Variants in HAS3 observed in about 807,000 individuals in gnomAD.
HAS3 encodes hyaluronan synthase 3.
A neutral mutation model predicts 50.3 loss-of-function variants in HAS3; 27 were observed. That is an observed-to-expected ratio of 0.54 (90% confidence interval 0.40 to 0.74). The LOEUF (loss-of-function observed/expected upper bound fraction) is 0.74. Ranked by LOEUF, HAS3 falls within the 30% of genes least tolerant of loss-of-function variation. HAS3 has a pLI of 0.00. For missense variants in HAS3, 517 were observed against 742.8 expected, an observed-to-expected ratio of 0.70 and a Z score of 3.53; for synonymous variants, 339 against 310.9, an observed-to-expected ratio of 1.09 and a Z score of -0.95.
chr16:69,099,162 G>C, the HAS3 span, among the ~76,000 whole-genome samples: 1 of 151,494 alleles, frequency 6.6e-6, no homozygotes, highest in African/African-American at 2.4e-5. Flanking sequence ...TAGTAGAGAC[G>C]GGGTTTCACC....
chr16:69,100,742 C>T (rs1472960165), upstream of HAS3, among the ~76,000 whole-genome samples: 5 of 152,276 alleles, frequency 3.3e-5, no homozygotes, highest in South Asian at 2.1e-4. Context: ...TTGAGCATTT[C>T]GTGAGTTTGG....
At chr16:69,089,712 T>C in the HAS3 span, among the ~76,000 whole-genome samples, 1 of 152,216 alleles carries the variant, frequency 6.6e-6, no homozygotes, top group South Asian at 2.1e-4. Flanking sequence ...GAGAGGGGAA[T>C]GCAGACCCCA....
rs1387312820 is a variant in HAS3 at position 69,109,429 on chromosome 16, G to T, written c.34G>T (p.Val12Leu). The T allele has an allele frequency of 3.1e-6, 5 of 1,611,590 alleles. No individual in the cohort carries two copies. The East Asian group carries it at 1.1e-4, about 36-fold the overall frequency. ...PVQLTTALRV[V>L]GTSLFALAVL... ...GCAGCTGACGACAGCCCTGCGTGTGGTGGGCACCAGCCTGTTTGCCCTGGC... is the reference window on the plus strand; with the variant it reads ...GCAGCTGACGACAGCCCTGCGTGTGTTGGGCACCAGCCTGTTTGCCCTGGC... The change falls in exon 2 of 4, where the codon GTG becomes TTG. Residue 12 changes from valine (V) to leucine (L), a missense_variant. Coordinates refer to ENST00000569188, the MANE Select transcript of HAS3 (RefSeq NM_001199280.2). This position sits in a 1 kb window ranked among gnomAD's most constrained non-coding sequence, Gnocchi z 5.3.
Position 69,115,026 on chromosome 16 carries a change from T to C in HAS3, c.1422T>C (p.Ile474=), listed in dbSNP as rs759034690. The stretch of plus-strand genomic sequence containing the variant: ...GGGGCACCTCTGGCCGAAAAACCAT[T>C]GTGGTGAACTTCATTGGCCTCATTC... ...SGWGTSGRKT[I]VVNFIGLIPV... The change falls in exon 4 of 4, where the codon ATT becomes ATC. Residue 474 remains isoleucine (I), a synonymous_variant. Coordinates refer to ENST00000569188, the MANE Select transcript of HAS3 (RefSeq NM_001199280.2). The C allele has an allele frequency of 3.7e-6, 6 of 1,614,138 alleles. No individual in the cohort carries two copies. The highest frequency in any genetic ancestry group is 2.2e-5 in the South Asian group (2 of 91,076).
Position 69,115,718 on chromosome 16 carries a change from A to G in HAS3, c.*452A>G. The G allele has an allele frequency of 1.0e-6, 1 of 988,816 alleles. No individual in the cohort carries two copies. The highest frequency in any genetic ancestry group is 5.2e-4 in the Middle Eastern group (1 of 1,920). The allele number at this position is 988,816 out of a possible 1,614,324, so 61.3% of individuals were successfully genotyped here. ...CTGAGCGAGCTGGGCCGGTTAGTGT[A>G]TGTCACCCCCACCCCACCCCTAAGT... On this transcript the variant is annotated 3_prime_UTR_variant, in exon 4 of 4. Transcript: ENST00000569188.
chr16:69,095,677 T>C, the HAS3 span, among the ~76,000 whole-genome samples: 1 of 151,304 alleles, frequency 6.6e-6, no homozygotes, highest in Non-Finnish European at 1.5e-5. Flanking sequence ...TTGGCTTATC[T>C]GATGAGAAAA....
At chr16:69,111,969 A>G (rs1961017071) in intron 2 of HAS3, among the ~76,000 whole-genome samples, 1 of 152,212 alleles carries the variant, frequency 6.6e-6, no homozygotes, top group South Asian at 2.1e-4. Context: ...GGATCACTGC[A>G]TAAGGTTGCC....
chr16:69,093,516 A>G, the HAS3 span, among the ~76,000 whole-genome samples: 1 of 145,608 alleles, frequency 6.9e-6, no homozygotes, highest in Non-Finnish European at 1.5e-5. Context: ...CCCAGCCTAC[A>G]GTGTATCTTT....
chr16:69,116,634 T>A lies in HAS3; in HGVS notation c.*1368T>A. 1.0e-6 allele frequency: 1 copy of A among 985,328 alleles called. No homozygotes were observed. Among genetic ancestry groups the A allele is most frequent in the South Asian group, 4.7e-5 (1 of 21,286 alleles). 61.0% of individuals were successfully genotyped at this position (985,328 alleles called of 1,614,324 possible). A position where few individuals can be genotyped will look rare whatever the true frequency, so the allele number is the denominator to read the frequency against. On this transcript the variant is annotated 3_prime_UTR_variant, in exon 4 of 4. Transcript: ENST00000569188. ...AAACCAAACTAGGAGATGAAACTGG[T>A]TCCTACATCCTAAGGTTCTTGCTTT...
In HAS3 at chr16:69,107,371, C is replaced by T; in HGVS notation, c.-1+1584C>T. 1 of 984,852 alleles carries T rather than the reference C, an allele frequency of 1.0e-6. No homozygotes were observed. Among genetic ancestry groups the T allele is most frequent in the Non-Finnish European group, 1.2e-6 (1 of 829,400 alleles). The allele number at this position is 984,852 out of a possible 1,614,324, so 61.0% of individuals were successfully genotyped here. A position where few individuals can be genotyped will look rare whatever the true frequency, so the allele number is the denominator to read the frequency against. ...CCGGGGATGCGCCTTTGTCTACAGG[C>T]ACACTTTGCCAAGGTAGCTGGGGTA... On this transcript the variant is annotated intron_variant, in intron 1 of 3. Transcript: ENST00000569188. This position sits in a 1 kb window ranked among gnomAD's most constrained non-coding sequence, Gnocchi z 5.5.
the HAS3 span, among the ~76,000 whole-genome samples, chr16:69,099,475 A>C: frequency 1.3e-5 from 2 of 151,590 alleles, no homozygotes; most frequent in African/African-American, 2.4e-5. Context: ...CTACAGGTGC[A>C]CACCACCATG....
chr16:69,089,879 C>A, the HAS3 span, among the ~76,000 whole-genome samples: 3 of 152,312 alleles, frequency 2.0e-5, no homozygotes, highest in Non-Finnish European at 4.4e-5. Context: ...CACAGTGTTG[C>A]AAGATCAGTG....
chr16:69,099,706 A>G, the HAS3 span, among the ~76,000 whole-genome samples: 2 of 152,240 alleles, frequency 1.3e-5, no homozygotes, highest in Non-Finnish European at 2.9e-5. Flanking sequence ...TTCGTTACTT[A>G]ACACTGCATC....
In HAS3 at chr16:69,105,724, A is replaced by T. The variant is rs1960771377; in HGVS notation, c.-64A>T. On this transcript the variant is annotated 5_prime_UTR_variant, in exon 1 of 4. Transcript: ENST00000569188. The stretch of plus-strand genomic sequence containing the variant: ...CTTGGCTTTCGGGAGCCCCCTAGAC[A>T]GCGAACTGCCCCTTCGCGTGCAGAA... 1 of 152,178 alleles carries T rather than the reference A, an allele frequency of 6.6e-6. No homozygotes were observed. Among genetic ancestry groups the T allele is most frequent in the Admixed American group, 6.5e-5 (1 of 15,280 alleles). The allele number at this position is 152,178 out of a possible 1,614,324, so 9.4% of individuals were successfully genotyped here. A position where few individuals can be genotyped will look rare whatever the true frequency, so the allele number is the denominator to read the frequency against.
At chr16:69,118,101 A>C, downstream of HAS3, 1 of 543,972 alleles carries the variant, frequency 1.8e-6, no homozygotes, top group Non-Finnish European at 3.3e-6. Context: ...CGAACAAAGC[A>C]CAGTGATTTC....
the HAS3 span, among the ~76,000 whole-genome samples, chr16:69,094,043 G>A: frequency 1.3e-5 from 2 of 152,332 alleles, no homozygotes; most frequent in East Asian, 3.9e-4. Flanking sequence ...CAGAGCTGCA[G>A]GAGGCTGAGG....
chr16:69,083,777 G>A, the HAS3 span: 9 of 1,257,044 alleles, frequency 7.2e-6, no homozygotes, highest in Non-Finnish European at 9.7e-6. Flanking sequence ...GCTGACCCTC[G>A]GGGTGGTTTT....
upstream of HAS3, among the ~76,000 whole-genome samples, chr16:69,102,042 C>T (rs1960703067): frequency 6.6e-6 from 1 of 152,142 alleles, no homozygotes; most frequent in Non-Finnish European, 1.5e-5. Context: ...CCTCGGCCTC[C>T]CAAAGGGTTG....
intron 2 of HAS3, 35 bp downstream of exon 2, chr16:69,110,066 G>C (rs1960948131): frequency 6.4e-7 from 1 of 1,562,566 alleles, no homozygotes. Context: ...GTGTACATGG[G>C]GATAAGTCTG....
Sources: allele counts gnomAD v4.1 joint callset (sites outside exome capture counted in the v4.1 genomes callset), GRCh38; gene constraint gnomAD v4.1.1; non-coding constraint Gnocchi (gnomAD v3.1); transcripts MANE v1.5; gene names NCBI Gene and HGNC (gene_info 2026-07-23, HGNC 2026-07-21).